COL24A1: variants seen among roughly 807,000 people sequenced by gnomAD.
COL24A1 encodes collagen alpha-1(XXIV) chain.
COL24A1 carries 224 observed loss-of-function variants against 253.9 expected under a neutral mutation model. The observed-to-expected ratio is 0.88, with a 90% CI of 0.79 to 0.99. The LOEUF is 0.99. COL24A1 is among the 50% of genes least tolerant of loss of function. The probability of loss-of-function intolerance (pLI) is 0.00; values close to 1 mark genes in which losing one functional copy is unlikely to be tolerated. For synonymous variants in COL24A1, 685 were observed against 673.7 expected, an observed-to-expected ratio of 1.02 and a Z score of -0.26; for missense variants, 2,131 against 2,068.5, an observed-to-expected ratio of 1.03 and a Z score of -0.59.
chr1:85,743,867 G>A (rs543368622), intron 57 of COL24A1, among the ~76,000 whole-genome samples: 2 of 152,248 alleles, frequency 1.3e-5, no homozygotes, highest in Non-Finnish European at 2.9e-5. Flanking sequence ...TAGAACGGAA[G>A]CAGATGTTTT....
intron 1 of COL24A1, among the ~76,000 whole-genome samples, chr1:86,151,941 T>C (rs754353918): frequency 1.2e-4 from 18 of 152,318 alleles, no homozygotes; most frequent in Admixed American, 2.0e-4. Context: ...ACACACGTGA[T>C]ATACATCAAT....
At chr1:86,002,037 G>A (rs1695465861) in intron 19 of COL24A1, among the ~76,000 whole-genome samples, 1 of 152,144 alleles carries the variant, frequency 6.6e-6, no homozygotes, top group South Asian at 2.1e-4. Flanking sequence ...TTTTTTCTTA[G>A]TAATTGACAT....
chr1:86,075,027 A>C (rs1387946506), intron 7 of COL24A1, among the ~76,000 whole-genome samples: 1 of 152,160 alleles, frequency 6.6e-6, no homozygotes, highest in Admixed American at 6.5e-5. Context: ...AGAAGACAAG[A>C]AATAACTAAG....
At chr1:85,988,212 C>G (rs1336034776) in intron 19 of COL24A1, among the ~76,000 whole-genome samples, 1 of 151,858 alleles carries the variant, frequency 6.6e-6, no homozygotes, top group East Asian at 1.9e-4. Context: ...TCTATAAATA[C>G]TTAAGTCCTC....
chr1:85,771,764 T>C (rs910664045), intron 53 of COL24A1, among the ~76,000 whole-genome samples: 8 of 143,664 alleles, frequency 5.6e-5, no homozygotes, highest in African/African-American at 2.1e-4. Flanking sequence ...CCAGCATCTG[T>C]TGTTGCCTGA....
chr1:85,933,279 A>C (rs1414879662), intron 24 of COL24A1, among the ~76,000 whole-genome samples: 2 of 152,198 alleles, frequency 1.3e-5, no homozygotes. Flanking sequence ...AGCCAAATAG[A>C]GTTCATCGGC....
rs189532008 is a variant in COL24A1, at chr1:85,955,028, G to A, written c.2562+6221C>T. On this transcript the variant is annotated intron_variant, in intron 24 of 59. Transcript: ENST00000370571. ...TAGGGAAGGGCTGGGTAACTGGTGAGGGCTCCACCCTCAGGCCTGTGCCTA... is the reference window on the plus strand; with the variant it reads ...TAGGGAAGGGCTGGGTAACTGGTGAAGGCTCCACCCTCAGGCCTGTGCCTA... 1.3e-3 allele frequency among the ~76,000 whole-genome samples: 192 copies of A among 152,286 alleles called. 2 individuals are homozygous for A. The highest frequency in any genetic ancestry group is 4.5e-3 in the African/African-American group (188 of 41,558).
intron 8 of COL24A1, among the ~76,000 whole-genome samples, chr1:86,060,742 T>A (rs561497467): frequency 1.3e-5 from 2 of 152,072 alleles, no homozygotes; most frequent in African/African-American, 4.8e-5. Flanking sequence ...CACAGAAGTA[T>A]GACAATGGAC....
chr1:85,984,247 A>C (rs1693512916), intron 20 of COL24A1, among the ~76,000 whole-genome samples: 1 of 151,892 alleles, frequency 6.6e-6, no homozygotes, highest in Admixed American at 6.6e-5. Flanking sequence ...TTCTTCACCT[A>C]GTATGATATG....
At chr1:86,056,726 T>A (rs1700688940) in intron 10 of COL24A1, among the ~76,000 whole-genome samples, 1 of 151,412 alleles carries the variant, frequency 6.6e-6, no homozygotes, top group Non-Finnish European at 1.5e-5. Flanking sequence ...TGGTGGCACG[T>A]GCCTGTAGTC....
chr1:86,131,546 G>A (rs1649199166), intron 2 of COL24A1, among the ~76,000 whole-genome samples: 1 of 135,268 alleles, frequency 7.4e-6, no homozygotes. Context: ...AGTGTGTGAT[G>A]TTCACCTTCC....
At chr1:85,757,449 G>T (rs1666384420) in intron 55 of COL24A1, among the ~76,000 whole-genome samples, 1 of 152,184 alleles carries the variant, frequency 6.6e-6, no homozygotes, top group African/African-American at 2.4e-5. Flanking sequence ...TTTTCTGTGT[G>T]TGGCAGTAAA....
intron 35 of COL24A1, among the ~76,000 whole-genome samples, chr1:85,872,943 T>A (rs1680702338): frequency 6.6e-6 from 1 of 152,072 alleles, no homozygotes; most frequent in African/African-American, 2.4e-5. Context: ...TACCCATCTT[T>A]CAAAGGGCTA....
chr1:85,981,426 G>A (rs1276948526), intron 20 of COL24A1, among the ~76,000 whole-genome samples: 2 of 152,100 alleles, frequency 1.3e-5, no homozygotes, highest in East Asian at 3.8e-4. Flanking sequence ...ATGATGCTGG[G>A]ATAACTGCAA....
chr1:86,119,370 A>G (rs1706480974), intron 3 of COL24A1, among the ~76,000 whole-genome samples: 2 of 152,192 alleles, frequency 1.3e-5, no homozygotes, highest in Non-Finnish European at 2.9e-5. Context: ...GTTTAAGGGA[A>G]TGTGCAAGCC....
rs1380905704 is a variant in COL24A1 at position 86,134,391 on chromosome 1, C to T, written c.122-8177G>A. 4.0e-5 allele frequency among the ~76,000 whole-genome samples: 6 copies of T among 151,812 alleles called. No individual in the cohort carries two copies. In the East Asian group the frequency reaches 1.2e-3, roughly 30 times the overall value. ...TTAGTTATTTCTTGCTTTCTGCTAG[C>T]TTTTGAATGTGTTTGCTCTTGCTTC... On this transcript the variant is annotated intron_variant, in intron 2 of 59. Coordinates refer to ENST00000370571, the MANE Select transcript of COL24A1 (RefSeq NM_152890.7).
In COL24A1 at chr1:85,938,699, A is replaced by T. The variant is rs1369633100; in HGVS notation, c.2562+22550T>A. ...ATGCTTCCAAGGTACTCCTTCAAGG[A>T]AGAACTTGTGTGGCCCAAGCTGTCA... On this transcript the variant is annotated intron_variant, in intron 24 of 59. Coordinates refer to ENST00000370571, the MANE Select transcript of COL24A1 (RefSeq NM_152890.7). Among the ~76,000 whole-genome samples the T allele has an allele frequency of 1.4e-5, 2 of 146,192 alleles. 1 individual carries two copies. The highest frequency in any genetic ancestry group is 3.0e-5 in the Non-Finnish European group (2 of 66,320).
chr1:86,127,967 T>C (rs1407009878), intron 2 of COL24A1, among the ~76,000 whole-genome samples: 2 of 152,072 alleles, frequency 1.3e-5, no homozygotes, highest in Non-Finnish European at 2.9e-5. Context: ...ATCAATAAAA[T>C]AGTTGTAATT....
At chr1:86,104,963 G>A (rs1304564938) in intron 5 of COL24A1, among the ~76,000 whole-genome samples, 1 of 152,252 alleles carries the variant, frequency 6.6e-6, no homozygotes, top group East Asian at 1.9e-4. Context: ...AGGAAGGTGG[G>A]GGTCACACTG....
Sources: gnomAD v4.1 joint callset for allele counts (sites outside exome capture counted in the v4.1 genomes callset) on GRCh38, gnomAD v4.1.1 for gene constraint, MANE v1.5 for transcripts, NCBI Gene and HGNC (gene_info 2026-07-23, HGNC 2026-07-21) for gene names.